UBE3D: variants seen among roughly 807,000 people sequenced by gnomAD.
The protein encoded by UBE3D is E3 ubiquitin-protein ligase E3D.
A neutral mutation model predicts 49.6 loss-of-function variants in UBE3D; 48 were observed. That is an observed-to-expected ratio of 0.97 (90% CI 0.77 to 1.23). UBE3D has a LOEUF of 1.23. UBE3D is among the 50% of genes most tolerant of loss of function. UBE3D has a pLI of 0.00. For missense variants in UBE3D, 452 were observed against 468.4 expected, an observed-to-expected ratio of 0.96 and a Z score of 0.32; for synonymous variants, 189 against 174.2, an observed-to-expected ratio of 1.08 and a Z score of -0.67.
chr6:83,058,783 T>C (rs1157476557), intron 1 of UBE3D, among the ~76,000 whole-genome samples: 1 of 149,234 alleles, frequency 6.7e-6, no homozygotes. Context: ...CTTAGAAATC[T>C]GCCTTAGAAA....
At chr6:82,909,157 G>A (rs1248630272) in intron 9 of UBE3D, among the ~76,000 whole-genome samples, 1 of 152,182 alleles carries the variant, frequency 6.6e-6, no homozygotes, top group East Asian at 1.9e-4. Flanking sequence ...GAATCTAAGA[G>A]AACATTCCTG....
At chr6:83,058,142 GC>G (rs1783935265) in intron 1 of UBE3D, 120 bp from the exon 2 acceptor site, 1 of 969,856 alleles carries the variant, frequency 1.0e-6, no homozygotes, top group South Asian at 1.6e-5. Context: ...TAAAGTCACT[GC>G]CCCAGAAAAA....
chr6:82,910,279 A>G (rs186244927), intron 9 of UBE3D, among the ~76,000 whole-genome samples: 11 of 152,290 alleles, frequency 7.2e-5, no homozygotes, highest in Non-Finnish European at 1.5e-4. Context: ...ATCTCTGTAT[A>G]TCTCTCTATG....
chr6:82,911,940 C>T (rs1391500215), intron 9 of UBE3D, among the ~76,000 whole-genome samples: 1 of 152,196 alleles, frequency 6.6e-6, no homozygotes, highest in East Asian at 1.9e-4. Flanking sequence ...TAGAATCACA[C>T]ATTTGGATTC....
chr6:83,015,156 T>A (rs1780611506), intron 8 of UBE3D, among the ~76,000 whole-genome samples: 1 of 152,164 alleles, frequency 6.6e-6, no homozygotes, highest in South Asian at 2.1e-4. Context: ...TTAGATCTGA[T>A]ATACAGAGAA....
chr6:82,987,339 T>G (rs1778591607), intron 8 of UBE3D, among the ~76,000 whole-genome samples: 2 of 152,174 alleles, frequency 1.3e-5, no homozygotes, highest in Non-Finnish European at 2.9e-5. Flanking sequence ...TAATAAGTTA[T>G]TTTGTTTGTA....
chr6:82,997,420 TA>T (rs929660360), intron 8 of UBE3D, among the ~76,000 whole-genome samples: 3 of 151,780 alleles, frequency 2.0e-5, no homozygotes, highest in Non-Finnish European at 4.4e-5. Context: ...TTATTTATGT[TA>T]AAAAAAAGAA....
chr6:82,956,422 G>C (rs1776160836), intron 9 of UBE3D, among the ~76,000 whole-genome samples: 1 of 152,156 alleles, frequency 6.6e-6, no homozygotes, highest in African/African-American at 2.4e-5. Context: ...GGGTCTTCCT[G>C]TTGGTCATCT....
intron 8 of UBE3D, among the ~76,000 whole-genome samples, chr6:82,970,632 G>A (rs1175594211): frequency 6.6e-6 from 1 of 152,114 alleles, no homozygotes; most frequent in East Asian, 1.9e-4. Context: ...GAGGTCAGGA[G>A]ATCGAGACCA....
intron 8 of UBE3D, among the ~76,000 whole-genome samples, chr6:82,995,230 C>G (rs1381027227): frequency 1.3e-5 from 2 of 152,220 alleles, no homozygotes; most frequent in Non-Finnish European, 2.9e-5. Flanking sequence ...TGAGAAAAAG[C>G]AAATGATTTT....
chr6:82,953,019 A>G (rs1487361465), intron 9 of UBE3D, among the ~76,000 whole-genome samples: 1 of 152,180 alleles, frequency 6.6e-6, no homozygotes. Context: ...CATCTTACCT[A>G]TATTTAAAGC....
intron 8 of UBE3D, among the ~76,000 whole-genome samples, chr6:83,011,213 T>C (rs1562182161): frequency 6.6e-6 from 1 of 152,194 alleles, no homozygotes; most frequent in Non-Finnish European, 1.5e-5. Context: ...ATGAAGATAT[T>C]TTCTTAGTAC....
At chr6:82,982,466 C>T (rs1449912611) in intron 8 of UBE3D, among the ~76,000 whole-genome samples, 3 of 152,156 alleles carry the variant, frequency 2.0e-5, no homozygotes, top group African/African-American at 4.8e-5. Flanking sequence ...CTCCTTCCTT[C>T]TATCTTTTCT....
intron 9 of UBE3D, among the ~76,000 whole-genome samples, chr6:82,940,409 G>A (rs1318030292): frequency 6.6e-6 from 1 of 152,212 alleles, no homozygotes; most frequent in Non-Finnish European, 1.5e-5. Context: ...TGAGAACGAA[G>A]TTCCTAAATA....
At chr6:83,002,822 C>A (rs985623469) in intron 8 of UBE3D, among the ~76,000 whole-genome samples, 1 of 152,232 alleles carries the variant, frequency 6.6e-6, no homozygotes, top group Non-Finnish European at 1.5e-5. Context: ...GACCTGCTGG[C>A]ACTTTGATCT....
chr6:82,977,113 C>CAAAAAAAAAA (rs58424434), intron 8 of UBE3D, among the ~76,000 whole-genome samples: 20 of 42,582 alleles, frequency 4.7e-4, no homozygotes, highest in African/African-American at 1.9e-3. Flanking sequence ...GACTCCATCT[C>CAAAAAAAAAA]AAAAAAAAAA....
the UBE3D span, among the ~76,000 whole-genome samples, chr6:82,881,430 G>C: frequency 8.0e-4 from 122 of 152,282 alleles, no homozygotes; most frequent in Middle Eastern, 3.4e-3. Flanking sequence ...AGGAGGGGCT[G>C]TACCTTGATT....
intron 8 of UBE3D, among the ~76,000 whole-genome samples, chr6:82,985,008 CTTTT>C (rs70987727): frequency 3.8e-5 from 2 of 52,994 alleles, no homozygotes; most frequent in African/African-American, 1.5e-4. Flanking sequence ...TCTTCTTCTT[CTTTT>C]TTTTTTTTTT....
chr6:82,950,919 T>C (rs1775745083), intron 9 of UBE3D, among the ~76,000 whole-genome samples: 1 of 150,414 alleles, frequency 6.6e-6, no homozygotes, highest in Non-Finnish European at 1.5e-5. Flanking sequence ...ACTGAATTCA[T>C]GGAGACAGAG....
Sources: allele counts gnomAD v4.1 joint callset (sites outside exome capture counted in the v4.1 genomes callset), GRCh38; gene constraint gnomAD v4.1.1; transcripts MANE v1.5; gene names NCBI Gene and HGNC (gene_info 2026-07-23, HGNC 2026-07-21).